WWOX: variants seen among roughly 807,000 people sequenced by gnomAD.
The protein encoded by WWOX is WW domain containing oxidoreductase, also known as WW domain-containing oxidoreductase.
A neutral mutation model predicts 46.2 loss-of-function variants in WWOX; 69 were observed. The ratio of observed to expected loss-of-function variants is 1.49; its 90% CI spans 1.23 to 1.82. The LOEUF (loss-of-function observed/expected upper bound fraction) is 1.82. Among genes scored for constraint, WWOX ranks in the 40% most tolerant of loss-of-function variants. The probability of loss-of-function intolerance (pLI) is 0.00; values close to 1 mark genes in which losing one functional copy is unlikely to be tolerated. For synonymous variants in WWOX, 359 were observed against 202.6 expected (o/e 1.77, Z -6.56); for missense variants, 919 against 542.6 (o/e 1.69, Z -6.89).
Position 78,960,163 on chromosome 16 carries a change from C to T in WWOX, c.1057-251445C>T, listed in dbSNP as rs74652360. Among the ~76,000 whole-genome samples, 625 of 152,184 alleles carry T rather than the reference C, an allele frequency of 4.1e-3. 6 individuals carry two copies. Among genetic ancestry groups the T allele is most frequent in the African/African-American group, 0.014 (566 of 41,512 alleles). ...TAGACTGAGGAAGAACAGCTAATTC[C>T]AGAAAGCCATGTTGTGGTGTAAAAG... On this transcript the variant is annotated intron_variant, in intron 8 of 8. Transcript: ENST00000566780.
intron 8 of WWOX, among the ~76,000 whole-genome samples, chr16:78,934,774 TA>T (rs1359643052): frequency 1.3e-5 from 2 of 152,080 alleles, no homozygotes; most frequent in African/African-American, 4.8e-5. Flanking sequence ...CTGAGAGATT[TA>T]AATGCAGGCC....
chr16:78,832,615 G>A (rs151242480), intron 8 of WWOX, among the ~76,000 whole-genome samples: 102 of 152,226 alleles, frequency 6.7e-4, no homozygotes, highest in African/African-American at 2.4e-3. Flanking sequence ...GGGAAAATGC[G>A]TCCCTCTCTC....
rs1296739084 is a variant in WWOX at position 79,032,789 on chromosome 16, CA to C, written c.1057-178818del. On this transcript the variant is annotated intron_variant, in intron 8 of 8. Coordinates refer to ENST00000566780, the MANE Select transcript of WWOX (RefSeq NM_016373.4). ...AAAAATTTATATTTTATTTTAAGTTCAGGGGTCCATGTGCAGGTTTGTTATA... is the reference window on the plus strand; with the variant it reads ...AAAAATTTATATTTTATTTTAAGTTCGGGGTCCATGTGCAGGTTTGTTATA... 2.0e-5 allele frequency among the ~76,000 whole-genome samples: 3 copies of C among 151,388 alleles called. No homozygotes were observed. The East Asian group carries it at 5.8e-4, about 29-fold the overall frequency.
intron 4 of WWOX, chr16:78,124,018 A>G (rs2033247535): frequency 6.6e-6 from 1 of 152,094 alleles, no homozygotes; most frequent in Admixed American, 6.5e-5. Context: ...CTGTGTAATT[A>G]TGGTTTGAGG....
chr16:78,134,129 TA>T (rs1432819053), intron 4 of WWOX, among the ~76,000 whole-genome samples: 5 of 152,364 alleles, frequency 3.3e-5, no homozygotes, highest in African/African-American at 1.2e-4. Context: ...CAAACATTGT[TA>T]ATGTTGACTT....
intron 8 of WWOX, among the ~76,000 whole-genome samples, chr16:78,875,597 C>A (rs926804478): frequency 1.3e-5 from 2 of 152,264 alleles, no homozygotes; most frequent in East Asian, 3.9e-4. Context: ...TATCCCTTAT[C>A]TCAAGGTGAG....
chr16:78,246,701 C>T (rs898504357), intron 5 of WWOX, among the ~76,000 whole-genome samples: 8 of 152,190 alleles, frequency 5.3e-5, no homozygotes, highest in African/African-American at 1.9e-4. Context: ...TTAATATTTT[C>T]AACTTCCTCT....
intron 8 of WWOX, among the ~76,000 whole-genome samples, chr16:78,511,567 C>T (rs941126109): frequency 6.6e-6 from 1 of 152,204 alleles, no homozygotes; most frequent in Admixed American, 6.5e-5. Flanking sequence ...TACAGCACGT[C>T]CTCACTTACA....
chr16:78,643,652 G>T (rs1401546336), intron 8 of WWOX, among the ~76,000 whole-genome samples: 2 of 151,982 alleles, frequency 1.3e-5, no homozygotes, highest in Admixed American at 6.6e-5. Flanking sequence ...TTATATCTTG[G>T]CTCCTAATAA....
intron 5 of WWOX, among the ~76,000 whole-genome samples, chr16:78,356,328 TACTC>T (rs760971755): frequency 9.2e-5 from 14 of 151,870 alleles, no homozygotes; most frequent in Non-Finnish European, 1.6e-4. Flanking sequence ...ATATTCAAAA[TACTC>T]AACTTGTTTA....
intron 8 of WWOX, among the ~76,000 whole-genome samples, chr16:79,074,335 G>C (rs1289689881): frequency 7.1e-6 from 1 of 139,964 alleles, no homozygotes; most frequent in East Asian, 2.4e-4. Flanking sequence ...AATGAGAGAA[G>C]TAAACATCTG....
chr16:78,429,559 G>T (rs923988764), intron 7 of WWOX, among the ~76,000 whole-genome samples: 1 of 151,958 alleles, frequency 6.6e-6, no homozygotes, highest in African/African-American at 2.4e-5. Flanking sequence ...GAGGGAGGGG[G>T]TGGTGCTATA....
chr16:78,188,150 T>C (rs1035350847), intron 5 of WWOX, among the ~76,000 whole-genome samples: 1 of 152,162 alleles, frequency 6.6e-6, no homozygotes, highest in African/African-American at 2.4e-5. Context: ...AATACAGTTA[T>C]ATTTATCAAA....
chr16:79,151,874 G>A (rs549156148), intron 8 of WWOX, among the ~76,000 whole-genome samples: 1 of 152,164 alleles, frequency 6.6e-6, no homozygotes, highest in African/African-American at 2.4e-5. Flanking sequence ...TCTTTGACTG[G>A]GGACTTGCCT....
At position 78,802,606 on chromosome 16, in the gene WWOX, G is replaced by A. The variant is rs557629874; in HGVS notation, c.1056+369854G>A. Among the ~76,000 whole-genome samples the A allele has an allele frequency of 6.6e-5, 10 of 152,172 alleles. No individual in the cohort carries two copies. The South Asian group carries it at 1.9e-3, about 28-fold the overall frequency. On this transcript the variant is annotated intron_variant, in intron 8 of 8. Transcript: ENST00000566780. ...ATAAATATTTGTGAATATAGTGAGT[G>A]ACTAAAGTAATGCATTAATGGTTGA...
intron 8 of WWOX, among the ~76,000 whole-genome samples, chr16:78,981,241 C>A (rs1022971224): frequency 6.6e-6 from 1 of 152,118 alleles, no homozygotes; most frequent in African/African-American, 2.4e-5. Context: ...TCTCCCAACT[C>A]TGCCCTCTTA....
intron 8 of WWOX, among the ~76,000 whole-genome samples, chr16:78,945,692 C>A (rs1031549726): frequency 6.6e-6 from 1 of 151,882 alleles, no homozygotes; most frequent in Non-Finnish European, 1.5e-5. Flanking sequence ...TCCTTGTATG[C>A]CCCCCTTTCT....
chr16:78,146,873 T>G (rs1467638897), intron 4 of WWOX, among the ~76,000 whole-genome samples: 1 of 152,220 alleles, frequency 6.6e-6, no homozygotes, highest in Non-Finnish European at 1.5e-5. Context: ...GAGTATAATT[T>G]ACTTCCTTGT....
chr16:78,567,942 G>A (rs1014158507), intron 8 of WWOX, among the ~76,000 whole-genome samples: 6 of 152,126 alleles, frequency 3.9e-5, no homozygotes, highest in Admixed American at 6.6e-5. Flanking sequence ...GGGGCTCTGC[G>A]AGGTTTATTA....
Sources: allele counts gnomAD v4.1 joint callset (sites outside exome capture counted in the v4.1 genomes callset), GRCh38; gene constraint gnomAD v4.1.1; transcripts MANE v1.5; gene names NCBI Gene and HGNC (gene_info 2026-07-23, HGNC 2026-07-21).